Variants in UNC13C observed in about 807,000 individuals in gnomAD.
UNC13C encodes the protein protein unc-13 homolog C.
Under a neutral mutation model 245.4 loss-of-function variants are expected in UNC13C, and 174 were observed. That is an observed-to-expected ratio of 0.71 (90% confidence interval 0.63 to 0.80). The LOEUF is 0.80. Among genes scored for constraint, UNC13C ranks in the 30% least tolerant of loss-of-function variants. The pLI, the probability that UNC13C is intolerant of heterozygous loss-of-function variation, is 0.00. For missense variants in UNC13C, 2,829 were observed against 2,602.9 expected (o/e 1.09, Z -1.89); for synonymous variants, 992 against 895.1 (o/e 1.11, Z -1.93).
At chr15:54,330,587 C>G (rs2038412453) in intron 14 of UNC13C, among the ~76,000 whole-genome samples, 1 of 152,040 alleles carries the variant, frequency 6.6e-6, no homozygotes, top group South Asian at 2.1e-4. Flanking sequence ...AGAGATGTTA[C>G]ACGAATCACA....
At chr15:54,309,043 A>G (rs1231030499) in intron 13 of UNC13C, among the ~76,000 whole-genome samples, 3 of 151,970 alleles carry the variant, frequency 2.0e-5, no homozygotes, top group African/African-American at 4.8e-5. Context: ...AATAGATTAT[A>G]TAATAGTTCT....
the UNC13C span, among the ~76,000 whole-genome samples, chr15:53,861,220 C>A: frequency 6.6e-6 from 1 of 152,036 alleles, no homozygotes; most frequent in Non-Finnish European, 1.5e-5. Flanking sequence ...TATGTGAGAC[C>A]TCCTGCTAAG....
chr15:54,196,398 C>T (rs1289601577), intron 4 of UNC13C, among the ~76,000 whole-genome samples: 2 of 151,666 alleles, frequency 1.3e-5, no homozygotes, highest in Admixed American at 1.3e-4. Context: ...GTAGAGATCC[C>T]TGCAAAAAGT....
intron 4 of UNC13C, among the ~76,000 whole-genome samples, chr15:54,146,566 C>G (rs1002742560): frequency 2.2e-4 from 33 of 151,996 alleles, no homozygotes; most frequent in African/African-American, 7.7e-4. Flanking sequence ...CAGACAGGCT[C>G]TGGGGAAAAA....
At chr15:53,859,037 TTA>T in the UNC13C span, among the ~76,000 whole-genome samples, 1 of 152,138 alleles carries the variant, frequency 6.6e-6, no homozygotes, top group Non-Finnish European at 1.5e-5. Context: ...TTGAAAATAA[TTA>T]TCTTTTATTT....
At chr15:54,622,261 A>G in intron 30 of UNC13C, 66 bp from the exon 31 acceptor site, 1 of 1,043,864 alleles carries the variant, frequency 9.6e-7, no homozygotes, top group South Asian at 1.3e-5. Context: ...TTTTATGCAT[A>G]GAATGAAATT....
chr15:54,315,583 CTA>C (rs1329720676), intron 13 of UNC13C, among the ~76,000 whole-genome samples: 1 of 151,562 alleles, frequency 6.6e-6, no homozygotes, highest in Non-Finnish European at 1.5e-5. Flanking sequence ...CATATTTTCC[CTA>C]GGTAATCTTA....
Position 54,393,143 on chromosome 15 carries a change from T to C in UNC13C, c.4809T>C (p.Ile1603=). The C allele has an allele frequency of 6.2e-7, 1 of 1,609,680 alleles. No homozygotes were observed. The highest frequency in any genetic ancestry group is 8.5e-7 in the Non-Finnish European group (1 of 1,178,110). The change falls in exon 18 of 33, where the codon ATT becomes ATC. Residue 1603 remains isoleucine, a synonymous_variant. Transcript: ENST00000260323. The stretch of plus-strand genomic sequence containing the variant: ...TTATTACACTGATGGTTACTATTAT[T>C]GATGAGGATAAAACTGCCTACACAC... ...PQLITLMVTI[I]DEDKTAYTPV...
chr15:54,428,234 T>C (rs2040797981), intron 19 of UNC13C, among the ~76,000 whole-genome samples: 1 of 151,770 alleles, frequency 6.6e-6, no homozygotes, highest in African/African-American at 2.4e-5. Context: ...GTCTCTCTTC[T>C]GTTCATGACC....
intron 4 of UNC13C, among the ~76,000 whole-genome samples, chr15:54,221,683 A>T (rs779749305): frequency 1.1e-4 from 16 of 152,066 alleles, no homozygotes; most frequent in Non-Finnish European, 1.0e-4. Context: ...GATTAATCAC[A>T]TAGCCCTATC....
chr15:54,549,740 TA>T, intron 28 of UNC13C, 49 bp downstream of exon 28: 1 of 1,254,928 alleles, frequency 8.0e-7, no homozygotes, highest in Non-Finnish European at 1.1e-6. Flanking sequence ...GTGAGTTAAC[TA>T]CAGTTCTGCA....
intron 23 of UNC13C, among the ~76,000 whole-genome samples, chr15:54,509,509 T>G (rs1429867633): frequency 6.6e-6 from 1 of 152,184 alleles, no homozygotes; most frequent in Non-Finnish European, 1.5e-5. Flanking sequence ...TGTTTCAGTT[T>G]CCTAACTTTG....
At chr15:54,397,740 A>G (rs951969956) in intron 18 of UNC13C, among the ~76,000 whole-genome samples, 12 of 151,288 alleles carry the variant, frequency 7.9e-5, no homozygotes, top group Non-Finnish European at 1.6e-4. Context: ...ATTGGTTTCT[A>G]AGTATTTTTA....
chr15:54,602,316 T>C (rs190558485), intron 30 of UNC13C, among the ~76,000 whole-genome samples: 60 of 152,266 alleles, frequency 3.9e-4, no homozygotes, highest in African/African-American at 1.4e-3. Context: ...TGGAGAACAA[T>C]AGATGAATTT....
At chr15:54,262,100 T>G (rs1289089256) in intron 8 of UNC13C, among the ~76,000 whole-genome samples, 2 of 152,186 alleles carry the variant, frequency 1.3e-5, no homozygotes, top group East Asian at 3.9e-4. Context: ...GAAGTCTGAT[T>G]CCTTTAGATG....
At chr15:54,624,770 T>A (rs1901031322) in intron 32 of UNC13C, among the ~76,000 whole-genome samples, 2 of 152,196 alleles carry the variant, frequency 1.3e-5, no homozygotes, top group South Asian at 4.1e-4. Flanking sequence ...ATTCTTGCCA[T>A]AGGCTGGAGG....
At position 54,222,341 on chromosome 15, in the gene UNC13C, G is replaced by A. The variant is rs139298228; in HGVS notation, c.3072-12689G>A. 1.3e-3 allele frequency among the ~76,000 whole-genome samples: 204 copies of A among 152,038 alleles called. 3 individuals carry two copies. In the South Asian group the frequency reaches 0.04, roughly 30 times the overall value. On this transcript the variant is annotated intron_variant, in intron 4 of 32. Transcript: ENST00000260323. Reference sequence around the variant, plus strand: ...TTTTAGCTCCTACCAGTAAGTGAGCGTATGCAGTTTGTCTTTCTGTGCCTG... The same window carrying A: ...TTTTAGCTCCTACCAGTAAGTGAGCATATGCAGTTTGTCTTTCTGTGCCTG...
At chr15:54,339,599 A>G (rs1395647185) in intron 17 of UNC13C, among the ~76,000 whole-genome samples, 2 of 151,852 alleles carry the variant, frequency 1.3e-5, no homozygotes, top group East Asian at 3.9e-4. Flanking sequence ...CCATTAATTC[A>G]TTCCTTTTTA....
chr15:54,270,909 G>C (rs1231516677), intron 10 of UNC13C, among the ~76,000 whole-genome samples: 1 of 152,032 alleles, frequency 6.6e-6, no homozygotes, highest in Non-Finnish European at 1.5e-5. Flanking sequence ...TTGAAAAATT[G>C]CTGCAGACCT....
Sources: allele counts gnomAD v4.1 joint callset (sites outside exome capture counted in the v4.1 genomes callset), GRCh38; gene constraint gnomAD v4.1.1; transcripts MANE v1.5; gene names NCBI Gene and HGNC (gene_info 2026-07-23, HGNC 2026-07-21).